Variants in PIGB observed in about 807,000 individuals in gnomAD.
The protein encoded by PIGB is GPI alpha-1,2-mannosyltransferase 3.
Under a neutral mutation model 68.4 loss-of-function variants are expected in PIGB, and 58 were observed. That is an observed-to-expected ratio of 0.85 (90% CI 0.69 to 1.06). PIGB has a LOEUF of 1.06. PIGB is among the 50% of genes least tolerant of loss of function. PIGB has a pLI of 0.00. For missense variants in PIGB, 634 were observed against 655.8 expected (o/e 0.97, Z 0.36); for synonymous variants, 219 against 220.5 (o/e 0.99, Z 0.06).
chr15:55,329,580 T>G, intron 4 of PIGB, 144 bp from the exon 5 acceptor site: 1 of 575,022 alleles, frequency 1.7e-6, no homozygotes, highest in Non-Finnish European at 3.0e-6. Flanking sequence ...AAAACGACGT[T>G]TGGGCATGCC....
chr15:55,327,409 C>G lies in PIGB; in HGVS notation c.418-122C>G, dbSNP rs529854452. The G allele has an allele frequency of 2.9e-5, 18 of 613,654 alleles. 1 individual carries two copies. Among genetic ancestry groups the G allele is most frequent in the African/African-American group, 2.8e-4 (15 of 52,986 alleles). The allele number at this position is 613,654 out of a possible 1,614,324, so 38.0% of individuals were successfully genotyped here. On this transcript the variant is annotated intron_variant, in intron 3 of 11. Transcript: ENST00000164305. ...TGTGGAAGAATAGAAAAATATATTG[C>G]CTATTTTTGTACTAAGAATGGCTTC...
At chr15:55,327,224 ATATATT>A (rs996722790) in intron 3 of PIGB, among the ~76,000 whole-genome samples, 4 of 146,684 alleles carry the variant, frequency 2.7e-5, no homozygotes, top group Admixed American at 6.9e-5. Context: ...ATATAAATAT[ATATATT>A]TATATTTATA....
At position 55,340,485 on chromosome 15, in the gene PIGB, G is replaced by A. The variant is rs1420952771; in HGVS notation, c.847-127G>A. The A allele has an allele frequency of 1.5e-5, 7 of 464,454 alleles. No homozygotes were observed. In the Admixed American group the frequency reaches 2.3e-4, roughly 15 times the overall value. The allele number at this position is 464,454 out of a possible 1,614,324, so 28.8% of individuals were successfully genotyped here. ...AAAAAAAAAAAAAAAAATTATTAAT[G>A]TAAACTATTGCCTGGTTTTTAGACT... is the stretch of plus-strand genomic sequence containing the variant. On this transcript the variant is annotated intron_variant, in intron 7 of 11. Coordinates refer to ENST00000164305, the MANE Select transcript of PIGB (RefSeq NM_004855.5).
chr15:55,347,627 C>T (rs933047942), intron 9 of PIGB, among the ~76,000 whole-genome samples: 1 of 152,162 alleles, frequency 6.6e-6, no homozygotes, highest in Non-Finnish European at 1.5e-5. Flanking sequence ...GTTTCAGTAT[C>T]CACTGTCCCC....
chr15:55,337,017 A>G (rs1566953276), intron 6 of PIGB, among the ~76,000 whole-genome samples: 1 of 152,234 alleles, frequency 6.6e-6, no homozygotes, highest in Non-Finnish European at 1.5e-5. Flanking sequence ...TCCAGATTAT[A>G]TATAAAACTT....
At chr15:55,332,543 T>C (rs1332725493) in intron 5 of PIGB, among the ~76,000 whole-genome samples, 1 of 151,930 alleles carries the variant, frequency 6.6e-6, no homozygotes, top group Admixed American at 6.6e-5. Context: ...GCTAATTTTT[T>C]TCTATCTTTA....
chr15:55,344,413 T>C (rs1023693153), intron 9 of PIGB, among the ~76,000 whole-genome samples: 4 of 152,236 alleles, frequency 2.6e-5, no homozygotes, highest in African/African-American at 9.7e-5. Context: ...CAAGGCCCTT[T>C]GAGACAAGGG....
At chr15:55,339,019 A>T (rs554215849) in intron 6 of PIGB, among the ~76,000 whole-genome samples, 1 of 152,252 alleles carries the variant, frequency 6.6e-6, no homozygotes, top group Non-Finnish European at 1.5e-5. Flanking sequence ...GTAATTTGTT[A>T]TACAGCAGTA....
chr15:55,350,451 C>A, intron 9 of PIGB: 1 of 477,732 alleles, frequency 2.1e-6, no homozygotes, highest in Non-Finnish European at 3.7e-6. Context: ...GAATTCAAAT[C>A]TGGACCTGTT....
intron 3 of PIGB, among the ~76,000 whole-genome samples, chr15:55,322,211 G>A (rs1043971278): frequency 2.6e-5 from 4 of 151,918 alleles, no homozygotes; most frequent in South Asian, 2.1e-4. Flanking sequence ...TGAGAGCACC[G>A]TTGTATTTTG....
chr15:55,355,601 A>ATGTT lies in PIGB; in HGVS notation c.*170_*173dup, dbSNP rs2141233302. On this transcript the variant is annotated 3_prime_UTR_variant, in exon 12 of 12. Transcript: ENST00000164305. ...AAAATACCACATAGTATAAAATTACATGTTAATACAATGCCAGATTTTAAA... is the reference window on the plus strand; with the variant it reads ...AAAATACCACATAGTATAAAATTACATGTTTGTTAATACAATGCCAGATTTTAAA... The ATGTT allele has an allele frequency of 2.2e-6, 1 of 456,444 alleles. No individual in the cohort carries two copies. The highest frequency in any genetic ancestry group is 3.8e-6 in the Non-Finnish European group (1 of 263,258). The allele number at this position is 456,444 out of a possible 1,614,324, so 28.3% of individuals were successfully genotyped here. A position where few individuals can be genotyped will look rare whatever the true frequency, so the allele number is the denominator to read the frequency against.
At chr15:55,329,943 C>A (rs922759522) in intron 5 of PIGB, 89 bp downstream of exon 5, 2 of 906,262 alleles carry the variant, frequency 2.2e-6, no homozygotes, top group Non-Finnish European at 3.2e-6. Context: ...TAGTAGACCC[C>A]CTAATTTTCA....
intron 4 of PIGB, among the ~76,000 whole-genome samples, chr15:55,328,261 T>A (rs1342871254): frequency 6.6e-6 from 1 of 152,226 alleles, no homozygotes; most frequent in Non-Finnish European, 1.5e-5. Flanking sequence ...CAATCTTGAA[T>A]GGATTTTTCC....
In PIGB at chr15:55,341,766, A is replaced by T; in HGVS notation, c.1087A>T (p.Ile363Phe). The part of the protein sequence containing the change: ...SMLSHKEFRF[I>F]YPVLPFCMVF... ...GTTGAGCCACAAAGAATTCAGGTTT[A>T]TTTATCCAGTTTTACCATTCTGTAT... The change falls in exon 9 of 12, where the codon ATT becomes TTT. Residue 363 changes from isoleucine (I) to phenylalanine (F), a missense_variant. By Grantham distance (21) the Ile-to-Phe change is conservative. Coordinates refer to ENST00000164305, the MANE Select transcript of PIGB (RefSeq NM_004855.5). 1 of 1,462,638 alleles carries T rather than the reference A, an allele frequency of 6.8e-7. No individual in the cohort carries two copies. The highest frequency in any genetic ancestry group is 9.1e-7 in the Non-Finnish European group (1 of 1,094,656). The allele number at this position is 1,462,638 out of a possible 1,614,324, so 90.6% of individuals were successfully genotyped here. A position where few individuals can be genotyped will look rare whatever the true frequency, so the allele number is the denominator to read the frequency against.
rs531446709 is a variant in PIGB at position 55,321,205 on chromosome 15, C to A, written c.300-68C>A. On this transcript the variant is annotated intron_variant, in intron 2 of 11. Coordinates refer to ENST00000164305, the MANE Select transcript of PIGB (RefSeq NM_004855.5). ...CCTGGGCAAGAGAGTGAGACCCCAT[C>A]TTAAAAAAAAAAAAAACACGGAAAT... 29 of 1,282,624 alleles carry A rather than the reference C, an allele frequency of 2.3e-5. No homozygotes were observed. In the East Asian group the frequency reaches 7.7e-4, roughly 34 times the overall value. The allele number at this position is 1,282,624 out of a possible 1,614,324, so 79.5% of individuals were successfully genotyped here. A position where few individuals can be genotyped will look rare whatever the true frequency, so the allele number is the denominator to read the frequency against.
chr15:55,322,313 CTT>C (rs2055187227), intron 3 of PIGB, among the ~76,000 whole-genome samples: 1 of 152,178 alleles, frequency 6.6e-6, no homozygotes, highest in African/African-American at 2.4e-5. Flanking sequence ...GAAATTAAAA[CTT>C]TAAAATTTTT....
intron 3 of PIGB, among the ~76,000 whole-genome samples, chr15:55,325,429 GTTA>G (rs1478674623): frequency 6.6e-6 from 1 of 152,108 alleles, no homozygotes; most frequent in Non-Finnish European, 1.5e-5. Context: ...ACCAGCAGTT[GTTA>G]TTTTGTTAGT....
At chr15:55,349,924 T>C (rs1364603217) in intron 9 of PIGB, 1 of 152,238 alleles carries the variant, frequency 6.6e-6, no homozygotes, top group Non-Finnish European at 1.5e-5. Context: ...ATATGTCCAT[T>C]AATAGTGGCT....
chr15:55,326,769 G>A (rs1456059142), intron 3 of PIGB, among the ~76,000 whole-genome samples: 2 of 152,170 alleles, frequency 1.3e-5, no homozygotes. Context: ...CCCGGGAGGC[G>A]GAGCTTGCAG....
Sources: allele counts gnomAD v4.1 joint callset (sites outside exome capture counted in the v4.1 genomes callset), GRCh38; gene constraint gnomAD v4.1.1; transcripts MANE v1.5; gene names NCBI Gene and HGNC (gene_info 2026-07-23, HGNC 2026-07-21).